The following HMGCLL1 variants were observed in gnomAD, a reference collection of about 807,000 sequenced individuals.
The protein encoded by HMGCLL1 is 3-hydroxy-3-methylglutaryl-CoA lyase like 1.
In HMGCLL1, 36 loss-of-function variants were observed where a neutral mutation model predicts 39.1. The ratio of observed to expected loss-of-function variants is 0.92; its 90% CI spans 0.71 to 1.22. The LOEUF is 1.22. Ranked by LOEUF, HMGCLL1 falls within the 50% of genes most tolerant of loss-of-function variation. The pLI is 0.00. For missense variants in HMGCLL1, 451 were observed against 416.5 expected (o/e 1.08, Z -0.72); for synonymous variants, 149 against 144.0 (o/e 1.03, Z -0.25).
At chr6:55,544,766 T>A (rs1371260599) in intron 1 of HMGCLL1, among the ~76,000 whole-genome samples, 1 of 152,090 alleles carries the variant, frequency 6.6e-6, no homozygotes, top group Non-Finnish European at 1.5e-5. Context: ...TCTCTACAAT[T>A]TCCATGAAAT....
At chr6:55,443,674 A>C (rs1263038063) in intron 7 of HMGCLL1, among the ~76,000 whole-genome samples, 4 of 117,198 alleles carry the variant, frequency 3.4e-5, no homozygotes, top group Non-Finnish European at 7.2e-5. Context: ...TAACCAGTGA[A>C]GCCAAAAAAA....
intron 1 of HMGCLL1, among the ~76,000 whole-genome samples, chr6:55,565,620 A>C (rs1478705665): frequency 6.6e-6 from 1 of 152,112 alleles, no homozygotes; most frequent in African/African-American, 2.4e-5. Flanking sequence ...ACATCTGTAC[A>C]AATTCTTCAA....
At chr6:55,477,327 TTATATAA>T (rs1284020395) in intron 7 of HMGCLL1, among the ~76,000 whole-genome samples, 1 of 15,082 alleles carries the variant, frequency 6.6e-5, no homozygotes, top group Non-Finnish European at 9.3e-5. Flanking sequence ...ATATATTATA[TTATATAA>T]TATATATTAT....
intron 7 of HMGCLL1, among the ~76,000 whole-genome samples, chr6:55,475,119 A>G (rs921673476): frequency 6.6e-6 from 1 of 151,590 alleles, no homozygotes; most frequent in Admixed American, 6.6e-5. Context: ...GTGGTACTAC[A>G]GGAAGTCTAT....
chr6:55,569,647 G>T (rs1407020869), intron 1 of HMGCLL1, among the ~76,000 whole-genome samples: 1 of 152,182 alleles, frequency 6.6e-6, no homozygotes, highest in African/African-American at 2.4e-5. Context: ...TAAACAGGGA[G>T]TGCCGGGTTC....
the HMGCLL1 span, among the ~76,000 whole-genome samples, chr6:55,675,375 T>C: frequency 1.3e-5 from 2 of 152,116 alleles, no homozygotes; most frequent in Non-Finnish European, 2.9e-5. Context: ...TATTCAAACA[T>C]GCATATACCA....
At position 55,514,041 on chromosome 6, in the gene HMGCLL1, T is replaced by C; in HGVS notation, c.542+7A>G. ...ACAAAACAGAATTTGTGGGATTTCA[T>C]AAGTACCCTCGTGCTGGAATATTCA... On this transcript the variant is annotated splice_region_variant and intron_variant, in intron 5 of 8. Coordinates refer to ENST00000274901, the MANE Select transcript of HMGCLL1 (RefSeq NM_001042406.2). 7 of 1,608,848 alleles carry C rather than the reference T, an allele frequency of 4.4e-6. No homozygotes were observed. Among genetic ancestry groups the C allele is most frequent in the Non-Finnish European group, 5.9e-6 (7 of 1,178,508 alleles).
At chr6:55,580,395 CTTTTTTCTTTCTT>C (rs1771955690), upstream of HMGCLL1, among the ~76,000 whole-genome samples, 1 of 100,610 alleles carries the variant, frequency 9.9e-6, no homozygotes, top group African/African-American at 3.4e-5. Context: ...TTTTTTTTTT[CTTTTTTCTTTCTT>C]TTTTTTTTTT....
intron 7 of HMGCLL1, among the ~76,000 whole-genome samples, chr6:55,456,581 T>A (rs1191096279): frequency 6.6e-6 from 1 of 152,172 alleles, no homozygotes. Context: ...ATCAGCTGGA[T>A]TCCTACAGAG....
chr6:55,666,142 T>C, the HMGCLL1 span, among the ~76,000 whole-genome samples: 1 of 151,706 alleles, frequency 6.6e-6, no homozygotes, highest in Non-Finnish European at 1.5e-5. Context: ...CTCTTTTTTT[T>C]GGTTCTGAAT....
At chr6:55,623,672 T>C in the HMGCLL1 span, among the ~76,000 whole-genome samples, 1 of 149,030 alleles carries the variant, frequency 6.7e-6, no homozygotes, top group Non-Finnish European at 1.5e-5. Flanking sequence ...TACACAAACA[T>C]ATTATATATA....
chr6:55,463,275 G>T (rs10456184), intron 7 of HMGCLL1, among the ~76,000 whole-genome samples: 1 of 151,610 alleles, frequency 6.6e-6, no homozygotes, highest in Admixed American at 6.6e-5. Flanking sequence ...CAGGCAAACC[G>T]CCTACCTCGG....
intron 3 of HMGCLL1, among the ~76,000 whole-genome samples, chr6:55,529,181 T>G (rs750172242): frequency 3.2e-4 from 48 of 152,236 alleles, no homozygotes; most frequent in African/African-American, 1.2e-3. Context: ...CATTCTGAAG[T>G]AGGGCAAGAA....
At chr6:55,560,147 A>G (rs1770876492) in intron 1 of HMGCLL1, among the ~76,000 whole-genome samples, 2 of 152,120 alleles carry the variant, frequency 1.3e-5, no homozygotes, top group South Asian at 2.1e-4. Context: ...TTAAATCAAC[A>G]CTGCTGCAGT....
intron 7 of HMGCLL1, among the ~76,000 whole-genome samples, chr6:55,490,966 T>C (rs1289949768): frequency 6.6e-6 from 1 of 152,156 alleles, no homozygotes; most frequent in African/African-American, 2.4e-5. Flanking sequence ...TTGTTCATCT[T>C]TGTTCATTCA....
intron 5 of HMGCLL1, among the ~76,000 whole-genome samples, chr6:55,506,110 C>T (rs1206036615): frequency 6.6e-6 from 1 of 151,666 alleles, no homozygotes; most frequent in East Asian, 1.9e-4. Context: ...ATCAGTTGAG[C>T]TGTTTACAAT....
chr6:55,468,465 G>T (rs1019996403), intron 7 of HMGCLL1, among the ~76,000 whole-genome samples: 1 of 151,866 alleles, frequency 6.6e-6, no homozygotes, highest in Admixed American at 6.6e-5. Flanking sequence ...TTTAGACTCA[G>T]GATTGAGAGA....
the HMGCLL1 span, among the ~76,000 whole-genome samples, chr6:55,602,384 A>T: frequency 6.6e-6 from 1 of 152,102 alleles, no homozygotes; most frequent in East Asian, 1.9e-4. Context: ...ATTTTCCTTT[A>T]AATCATGATC....
the HMGCLL1 span, among the ~76,000 whole-genome samples, chr6:55,585,508 T>C: frequency 1.3e-5 from 2 of 152,122 alleles, no homozygotes; most frequent in Non-Finnish European, 2.9e-5. Flanking sequence ...TATAATAAGA[T>C]CTTAATAGGT....
Sources: gnomAD v4.1 joint callset for allele counts (sites outside exome capture counted in the v4.1 genomes callset) on GRCh38, gnomAD v4.1.1 for gene constraint, MANE v1.5 for transcripts, NCBI Gene and HGNC (gene_info 2026-07-23, HGNC 2026-07-21) for gene names.